LRRC59: variants seen among roughly 807,000 people sequenced by gnomAD.
The protein encoded by LRRC59 is leucine rich repeat containing 59.
LRRC59 carries 18 observed loss-of-function variants against 33.5 expected under a neutral mutation model. The ratio of observed to expected loss-of-function variants is 0.54; its 90% confidence interval spans 0.37 to 0.80. The LOEUF (loss-of-function observed/expected upper bound fraction) is 0.80. Among genes scored for constraint, LRRC59 ranks in the 30% least tolerant of loss-of-function variants. The probability of loss-of-function intolerance (pLI) is 0.00; values close to 1 mark genes in which losing one functional copy is unlikely to be tolerated. For missense variants in LRRC59, 330 were observed against 391.9 expected (o/e 0.84, Z 1.33); for synonymous variants, 138 against 160.0 (o/e 0.86, Z 1.04).
chr17:50,395,954 C>G (rs1007610236), intron 1 of LRRC59: 3 of 151,784 alleles, frequency 2.0e-5, no homozygotes, highest in Non-Finnish European at 2.9e-5. Context: ...GGTGTCCAGG[C>G]TGGACAAGCT....
intron 4 of LRRC59, among the ~76,000 whole-genome samples, chr17:50,389,205 G>A (rs17777399): frequency 0.021 from 3,139 of 152,210 alleles, 53 homozygotes; most frequent in Middle Eastern, 0.054. Context: ...ACTTGTACTC[G>A]GCAATCTGAG....
At chr17:50,397,107 A>T in intron 1 of LRRC59, 106 bp downstream of exon 1, 3 of 883,636 alleles carry the variant, frequency 3.4e-6, no homozygotes, top group Non-Finnish European at 3.3e-6. Context: ...GCTTCTTTTT[A>T]AAGAAAAGGA....
Position 50,383,192 on chromosome 17 carries a change from C to A in LRRC59, c.720G>T (p.Lys240Asn). The change falls in exon 7 of 7, where the codon AAG (lysine) becomes AAT (asparagine). Residue 240 changes from lysine to asparagine, a missense_variant. Physicochemically the swap from Lys to Asn is moderately conservative, Grantham distance 94 (BLOSUM62 0). Transcript: ENST00000225972. ...GSRPRKPPPR[K>N]HTRSWAVLKL... ...TCAGCACAGCCCAGGAACGAGTGTG[C>A]TTCCGGGGTGGTGGCTTGCGGGGAC... 6.4e-7 allele frequency: 1 copy of A among 1,558,978 alleles called. No individual in the cohort carries two copies. Among genetic ancestry groups the A allele is most frequent in the Non-Finnish European group, 8.7e-7 (1 of 1,151,144 alleles).
At chr17:50,390,109 A>G (rs1233056763) in intron 4 of LRRC59, among the ~76,000 whole-genome samples, 1 of 151,272 alleles carries the variant, frequency 6.6e-6, no homozygotes, top group African/African-American at 2.4e-5. Flanking sequence ...AAAAAAAAAA[A>G]AAAAAAAGAA....
At chr17:50,388,026 C>T (rs1414639702) in intron 5 of LRRC59, 34 bp downstream of exon 5, 1 of 1,609,030 alleles carries the variant, frequency 6.2e-7, no homozygotes, top group South Asian at 1.1e-5. Context: ...GGATGAGGAC[C>T]TGAAAGATAA....
chr17:50,387,128 T>A (rs1305597703), intron 5 of LRRC59, among the ~76,000 whole-genome samples: 1 of 150,232 alleles, frequency 6.7e-6, no homozygotes, highest in Non-Finnish European at 1.5e-5. Context: ...AAAAAATAAT[T>A]AAAAAAAAAA....
chr17:50,385,156 T>G lies in LRRC59; in HGVS notation c.638A>C (p.Gln213Pro), dbSNP rs772763456. 27 of 1,614,070 alleles carry G rather than the reference T, an allele frequency of 1.7e-5. No individual in the cohort carries two copies. In the East Asian group the frequency reaches 5.8e-4, roughly 35 times the overall value. Residue 213 changes from glutamine to proline, a missense_variant, in exon 6 of 7, where the codon CAG becomes CCG. Physicochemically the swap from Gln to Pro is moderately conservative, Grantham distance 76. Transcript: ENST00000225972. ...TGCTTCCTTCTTAGGTTTCTTCTCCTGCTCCCGCTTGGCTGCTTTGAGGGC... is the reference window on the plus strand; with the variant it reads ...TGCTTCCTTCTTAGGTTTCTTCTCCGGCTCCCGCTTGGCTGCTTTGAGGGC... ...YDALKAAKRE[Q>P]EKKPKKEANQ...
At chr17:50,392,645 G>A (rs937125294) in intron 3 of LRRC59, 94 bp downstream of exon 3, 35 of 1,540,748 alleles carry the variant, frequency 2.3e-5, no homozygotes, top group Non-Finnish European at 3.0e-5. Context: ...GACCAACAAG[G>A]GGGTATTTCT....
rs557937204 is a variant in LRRC59 at position 50,396,869 on chromosome 17, A to G, written c.105+344T>C. On this transcript the variant is annotated intron_variant, in intron 1 of 6. Transcript: ENST00000225972. ...GAACAAGTCACTCATTCATTCTCGA[A>G]TACATCCAGTAACTGCTCCGTGTGC... 3 of 367,856 alleles carry G rather than the reference A, an allele frequency of 8.2e-6. No homozygotes were observed. The South Asian group carries it at 4.1e-4, about 50-fold the overall frequency. The allele number at this position is 367,856 out of a possible 1,614,324, so 22.8% of individuals were successfully genotyped here.
chr17:50,390,100 A>G (rs1347976329), intron 4 of LRRC59, among the ~76,000 whole-genome samples: 2 of 98,818 alleles, frequency 2.0e-5, no homozygotes, highest in African/African-American at 5.8e-5. Flanking sequence ...TCTGTCTCAA[A>G]AAAAAAAAAA....
At chr17:50,386,333 T>C (rs562763564) in intron 5 of LRRC59, 2 of 152,164 alleles carry the variant, frequency 1.3e-5, no homozygotes, top group Non-Finnish European at 2.9e-5. Flanking sequence ...TACTCAATGG[T>C]TCAAGCATGT....
At chr17:50,396,386 G>A (rs930245897) in intron 1 of LRRC59, 2 of 152,290 alleles carry the variant, frequency 1.3e-5, no homozygotes, top group African/African-American at 4.8e-5. Flanking sequence ...GCTGGGAGGA[G>A]CTAGGAACCC....
At chr17:50,388,896 T>C (rs972949680) in intron 4 of LRRC59, among the ~76,000 whole-genome samples, 6 of 152,168 alleles carry the variant, frequency 3.9e-5, no homozygotes, top group African/African-American at 7.2e-5. Context: ...GGCTTGGTCA[T>C]AAGATGGCAG....
chr17:50,388,530 A>C (rs1013949841), intron 4 of LRRC59, among the ~76,000 whole-genome samples: 2 of 151,792 alleles, frequency 1.3e-5, no homozygotes, highest in African/African-American at 4.9e-5. Context: ...GAAGACTGAG[A>C]CCCTATCTCA....
At chr17:50,390,138 C>T (rs1016777481) in intron 4 of LRRC59, among the ~76,000 whole-genome samples, 1 of 149,544 alleles carries the variant, frequency 6.7e-6, no homozygotes, top group Non-Finnish European at 1.5e-5. Flanking sequence ...GAAATCAGGT[C>T]TGGACCCAGA....
chr17:50,383,286 C>G, intron 6 of LRRC59, 51 bp from the exon 7 acceptor site: 4 of 1,529,774 alleles, frequency 2.6e-6, no homozygotes, highest in Middle Eastern at 1.8e-4. Context: ...AGGAGACCTG[C>G]TCTATACTAA....
At chr17:50,385,091 G>T (rs1431277485) in intron 6 of LRRC59, 27 bp downstream of exon 6, 1 of 1,608,956 alleles carries the variant, frequency 6.2e-7, no homozygotes, top group Non-Finnish European at 8.5e-7. Context: ...ACCCCTGCTG[G>T]AATCTTACAA....
At position 50,388,084 on chromosome 17, in the gene LRRC59, G is replaced by A; in HGVS notation, c.478C>T (p.Gln160Ter). The stretch of plus-strand genomic sequence containing the variant: ...CCACGTTCTACTTCCAGCCGCCGCT[G>A]CCTCTCCCGCTCCTGATCTGCCTGC... ...AVQADQERERQRRLEVEREAE... is the reference protein window; with the variant it reads ...AVQADQERER The change falls in exon 5 of 7, where the codon CAG becomes TAG. Residue 160 changes from glutamine (Q) to a stop codon, truncating the protein, a stop_gained. Coordinates refer to ENST00000225972, the MANE Select transcript of LRRC59 (RefSeq NM_018509.4). LOFTEE classifies it high-confidence loss of function. 1 of 1,614,200 alleles carries A rather than the reference G, an allele frequency of 6.2e-7. No homozygotes were observed. Among genetic ancestry groups the A allele is most frequent in the Non-Finnish European group, 8.5e-7 (1 of 1,180,032 alleles).
intron 5 of LRRC59, chr17:50,386,375 A>G (rs1055682269): frequency 2.0e-5 from 3 of 152,232 alleles, no homozygotes; most frequent in Non-Finnish European, 4.4e-5. Flanking sequence ...CCTCCAAATT[A>G]TTGGGTTCTA....
Sources: gnomAD v4.1 joint callset for allele counts (sites outside exome capture counted in the v4.1 genomes callset) on GRCh38, gnomAD v4.1.1 for gene constraint, MANE v1.5 for transcripts, NCBI Gene and HGNC (gene_info 2026-07-23, HGNC 2026-07-21) for gene names.